DENND1B: variants seen among roughly 807,000 people sequenced by gnomAD.
The protein encoded by DENND1B is DENN domain-containing protein 1B.
DENND1B carries 59 observed loss-of-function variants against 90.1 expected under a neutral mutation model. That is an observed-to-expected ratio of 0.65 (90% CI 0.53 to 0.81). The LOEUF (loss-of-function observed/expected upper bound fraction) is 0.81. DENND1B is among the 40% of genes least tolerant of loss of function. The probability of loss-of-function intolerance (pLI) is 0.00; values close to 1 mark genes in which losing one functional copy is unlikely to be tolerated. For synonymous variants in DENND1B, 337 were observed against 324.6 expected (o/e 1.04, Z -0.41); for missense variants, 862 against 912.6 (o/e 0.94, Z 0.71).
At position 197,745,639 on chromosome 1, in the gene DENND1B, T is replaced by TAA. The variant is rs1269613093; in HGVS notation, c.82+27227_82+27228dup. 1.9e-3 allele frequency among the ~76,000 whole-genome samples: 250 copies of TAA among 132,888 alleles called. 2 individuals are homozygous for TAA. Among genetic ancestry groups the TAA allele is most frequent in the Admixed American group, 2.9e-3 (39 of 13,444 alleles). The allele number at this position is 132,888 out of a possible 152,430, so 87.2% of individuals were successfully genotyped here. A position where few individuals can be genotyped will look rare whatever the true frequency, so the allele number is the denominator to read the frequency against. ...TATTATATATATATATATATATATA[T>TAA]AATATATATAATAATAATGAAAATT... On this transcript the variant is annotated intron_variant, in intron 2 of 22. Transcript: ENST00000620048.
chr1:197,623,333 A>ATTTT (rs1678343855), intron 10 of DENND1B, among the ~76,000 whole-genome samples: 1 of 151,524 alleles, frequency 6.6e-6, no homozygotes, highest in Non-Finnish European at 1.5e-5. Flanking sequence ...TCCTCATAAA[A>ATTTT]TTTTTAAAAA....
chr1:197,715,095 T>C, intron 2 of DENND1B, 21 bp from the exon 3 acceptor site: 1 of 1,602,652 alleles, frequency 6.2e-7, no homozygotes, highest in Non-Finnish European at 8.5e-7. Flanking sequence ...TTGACATGTA[T>C]AATTAAACAG....
At chr1:197,601,649 T>G (rs906111065) in intron 13 of DENND1B, among the ~76,000 whole-genome samples, 1 of 151,554 alleles carries the variant, frequency 6.6e-6, no homozygotes, top group Non-Finnish European at 1.5e-5. Context: ...ATTGAGCACT[T>G]AAAATCACTA....
chr1:197,567,418 A>G (rs1672770477), intron 15 of DENND1B, among the ~76,000 whole-genome samples: 1 of 152,162 alleles, frequency 6.6e-6, no homozygotes, highest in Non-Finnish European at 1.5e-5. Flanking sequence ...TGTAACAAAC[A>G]TTTAAAGAAT....
Position 197,679,198 on chromosome 1 carries a change from T to A in DENND1B, c.127-5029A>T, listed in dbSNP as rs1480736389. ...TTCAGAAATTTCAGTTCTATGTGCATAAGTCTTAGGTGATGAAACCTATGC... is the reference window on the plus strand; with the variant it reads ...TTCAGAAATTTCAGTTCTATGTGCAAAAGTCTTAGGTGATGAAACCTATGC... On this transcript the variant is annotated intron_variant, in intron 3 of 22. Transcript: ENST00000620048. 2.0e-5 allele frequency among the ~76,000 whole-genome samples: 3 copies of A among 151,672 alleles called. No homozygotes were observed. The East Asian group carries it at 5.8e-4, about 29-fold the overall frequency.
At chr1:197,633,827 T>C (rs1679546318) in intron 10 of DENND1B, among the ~76,000 whole-genome samples, 1 of 152,130 alleles carries the variant, frequency 6.6e-6, no homozygotes, top group African/African-American at 2.4e-5. Context: ...AGCTTCCCTT[T>C]GTTAGTTTTT....
chr1:197,522,793 C>A (rs1668865711), intron 20 of DENND1B, among the ~76,000 whole-genome samples: 1 of 151,914 alleles, frequency 6.6e-6, no homozygotes, highest in African/African-American at 2.4e-5. Flanking sequence ...GAAGCTCCTC[C>A]AAGGAGAGAT....
Position 197,562,096 on chromosome 1 carries a change from T to C in DENND1B, c.1150-8984A>G, listed in dbSNP as rs531376104. Among the ~76,000 whole-genome samples, 68 of 152,060 alleles carry C rather than the reference T, an allele frequency of 4.5e-4. 1 individual carries two copies. In the South Asian group the frequency reaches 0.012, roughly 27 times the overall value. ...CACCTCTGGTAGTCCCCATTTAACA[T>C]ACCCTGTTCTATCTACTTTCCCATA... On this transcript the variant is annotated intron_variant, in intron 15 of 22. Coordinates refer to ENST00000620048, the MANE Select transcript of DENND1B (RefSeq NM_001195215.2).
intron 3 of DENND1B, among the ~76,000 whole-genome samples, chr1:197,707,597 TTATATACATA>T (rs1180706630): frequency 2.7e-5 from 4 of 147,230 alleles, no homozygotes; most frequent in Non-Finnish European, 4.5e-5. Context: ...TATACATATA[TTATATACATA>T]TATATACATA....
chr1:197,762,305 C>T (rs192971029), intron 2 of DENND1B, among the ~76,000 whole-genome samples: 172 of 151,298 alleles, frequency 1.1e-3, no homozygotes, highest in Non-Finnish European at 1.8e-3. Flanking sequence ...CTCGCTCTGT[C>T]GCCCAGGCTA....
intron 20 of DENND1B, among the ~76,000 whole-genome samples, chr1:197,517,440 T>C (rs1571706033): frequency 6.6e-6 from 1 of 152,044 alleles, no homozygotes; most frequent in African/African-American, 2.4e-5. Context: ...TTTGTCCTGA[T>C]TTGTCCTAGC....
At chr1:197,730,667 T>C (rs1039382241) in intron 2 of DENND1B, among the ~76,000 whole-genome samples, 3 of 152,082 alleles carry the variant, frequency 2.0e-5, no homozygotes, top group Non-Finnish European at 2.9e-5. Flanking sequence ...CGGTGGCTTT[T>C]AGACTGAAAA....
chr1:197,760,951 T>C (rs947716535), intron 2 of DENND1B, among the ~76,000 whole-genome samples: 1 of 152,160 alleles, frequency 6.6e-6, no homozygotes, highest in African/African-American at 2.4e-5. Context: ...CAGTAATCAT[T>C]AAAAGTTGGA....
chr1:197,663,223 CCT>C (rs1267327043), intron 5 of DENND1B, among the ~76,000 whole-genome samples: 1 of 152,022 alleles, frequency 6.6e-6, no homozygotes, highest in Non-Finnish European at 1.5e-5. Flanking sequence ...TACAGCACTC[CCT>C]GTTACATCAG....
At chr1:197,744,341 A>G (rs769269810) in intron 2 of DENND1B, among the ~76,000 whole-genome samples, 1 of 152,194 alleles carries the variant, frequency 6.6e-6, no homozygotes. Flanking sequence ...ATTTAGACTT[A>G]ATGATATAAA....
rs1275064702 is a variant in DENND1B, at chr1:197,505,790, C to A, written c.*4670G>T. ...CAAAGATTCATCACAAAGGATACTA[C>A]AATCCACATATGTAATCATCAGCAT... On this transcript the variant is annotated 3_prime_UTR_variant, in exon 23 of 23. Coordinates refer to ENST00000620048, the MANE Select transcript of DENND1B (RefSeq NM_001195215.2). The A allele has an allele frequency of 2.0e-5, 3 of 151,658 alleles. No individual in the cohort carries two copies. The highest frequency in any genetic ancestry group is 2.0e-4 in the Admixed American group (3 of 15,186). 9.4% of individuals were successfully genotyped at this position (151,658 alleles called of 1,614,324 possible). A position where few individuals can be genotyped will look rare whatever the true frequency, so the allele number is the denominator to read the frequency against.
intron 8 of DENND1B, 66 bp from the exon 9 acceptor site, chr1:197,645,809 G>A (rs1459394979): frequency 1.8e-5 from 20 of 1,082,920 alleles, no homozygotes; most frequent in Non-Finnish European, 2.6e-5. Flanking sequence ...AATTTGTAAT[G>A]AAAATCAGAA....
chr1:197,613,466 C>A (rs942652872), intron 11 of DENND1B, among the ~76,000 whole-genome samples: 1 of 150,276 alleles, frequency 6.7e-6, no homozygotes, highest in Non-Finnish European at 1.5e-5. Context: ...TGGAATTGAT[C>A]TGATATTCTG....
chr1:197,694,271 TAAAC>T (rs1658205785), intron 3 of DENND1B, among the ~76,000 whole-genome samples: 2 of 151,432 alleles, frequency 1.3e-5, no homozygotes, highest in Admixed American at 1.3e-4. Context: ...ACAGTTATAA[TAAAC>T]AAAATTATTT....
Sources: allele counts gnomAD v4.1 joint callset (sites outside exome capture counted in the v4.1 genomes callset), GRCh38; gene constraint gnomAD v4.1.1; transcripts MANE v1.5; gene names NCBI Gene and HGNC (gene_info 2026-07-23, HGNC 2026-07-21).